The following SNTG1 variants were observed in gnomAD, a reference collection of about 807,000 sequenced individuals.
SNTG1 encodes gamma-1-syntrophin.
SNTG1 carries 39 observed loss-of-function variants against 74.7 expected under a neutral mutation model. The ratio of observed to expected loss-of-function variants is 0.52; its 90% CI spans 0.40 to 0.68. The LOEUF is 0.68. Among genes scored for constraint, SNTG1 ranks in the 30% least tolerant of loss-of-function variants. The pLI is 0.00. For synonymous variants in SNTG1, 254 were observed against 217.1 expected, an observed-to-expected ratio of 1.17 and a Z score of -1.49; for missense variants, 685 against 609.5, an observed-to-expected ratio of 1.12 and a Z score of -1.30.
intron 2 of SNTG1, among the ~76,000 whole-genome samples, chr8:50,279,053 A>G (rs2088283614): frequency 6.6e-6 from 1 of 152,146 alleles, no homozygotes; most frequent in African/African-American, 2.4e-5. Flanking sequence ...GCTTTCAAAT[A>G]TTTTCTCACA....
At chr8:50,771,171 T>A (rs991609797) in intron 18 of SNTG1, among the ~76,000 whole-genome samples, 4 of 151,968 alleles carry the variant, frequency 2.6e-5, no homozygotes, top group African/African-American at 9.7e-5. Flanking sequence ...AAAGCCTGTA[T>A]TGCTATGAAT....
intron 1 of SNTG1, among the ~76,000 whole-genome samples, chr8:50,106,990 C>G (rs999768849): frequency 6.6e-6 from 1 of 152,098 alleles, no homozygotes; most frequent in African/African-American, 2.4e-5. Flanking sequence ...TTGGCAAGAG[C>G]AGAACACATA....
At chr8:50,249,805 T>A (rs992888378) in intron 2 of SNTG1, among the ~76,000 whole-genome samples, 1 of 152,032 alleles carries the variant, frequency 6.6e-6, no homozygotes, top group African/African-American at 2.4e-5. Context: ...CATCCTAGGA[T>A]CCATTTACAG....
chr8:50,666,519 C>T (rs2095251569), intron 15 of SNTG1, among the ~76,000 whole-genome samples: 1 of 152,112 alleles, frequency 6.6e-6, no homozygotes, highest in Non-Finnish European at 1.5e-5. Flanking sequence ...AGTTAACAAA[C>T]AGTTCAGAAA....
chr8:50,769,173 A>G (rs910480941), intron 18 of SNTG1, among the ~76,000 whole-genome samples: 1 of 151,742 alleles, frequency 6.6e-6, no homozygotes, highest in African/African-American at 2.4e-5. Flanking sequence ...AACACTCTGT[A>G]CATTTTCTCT....
intron 1 of SNTG1, among the ~76,000 whole-genome samples, chr8:49,940,873 A>G (rs1808623636): frequency 6.6e-6 from 1 of 152,228 alleles, no homozygotes; most frequent in Admixed American, 6.5e-5. Context: ...CTTTAGTCTC[A>G]GGGGTCAGGA....
chr8:50,223,575 G>A (rs549238581), intron 2 of SNTG1, among the ~76,000 whole-genome samples: 17 of 152,072 alleles, frequency 1.1e-4, no homozygotes, highest in African/African-American at 3.9e-4. Context: ...GAAATTTAAG[G>A]AGAAATACGA....
chr8:50,707,022 T>A (rs557913946), intron 16 of SNTG1, among the ~76,000 whole-genome samples: 1 of 152,128 alleles, frequency 6.6e-6, no homozygotes, highest in African/African-American at 2.4e-5. Flanking sequence ...ACAAATTAAA[T>A]ATTTCAATAT....
At chr8:50,240,520 C>T (rs1443525806) in intron 2 of SNTG1, among the ~76,000 whole-genome samples, 2 of 152,132 alleles carry the variant, frequency 1.3e-5, no homozygotes, top group East Asian at 3.8e-4. Context: ...CTTCTTAGAA[C>T]AAACTAAACC....
intron 2 of SNTG1, among the ~76,000 whole-genome samples, chr8:50,218,654 A>T (rs2084911960): frequency 6.6e-6 from 1 of 152,124 alleles, no homozygotes; most frequent in Non-Finnish European, 1.5e-5. Context: ...TGAAATTTTT[A>T]AAATACAGGA....
intron 4 of SNTG1, among the ~76,000 whole-genome samples, chr8:50,412,513 T>G (rs2092962465): frequency 6.6e-6 from 1 of 152,172 alleles, no homozygotes; most frequent in Admixed American, 6.6e-5. Context: ...TGAATGCAAG[T>G]AAAAGAGAAT....
intron 16 of SNTG1, among the ~76,000 whole-genome samples, chr8:50,707,289 T>C (rs1000936178): frequency 2.6e-5 from 4 of 152,146 alleles, no homozygotes; most frequent in African/African-American, 4.8e-5. Flanking sequence ...AACCATTATG[T>C]CTAAATTAGG....
At chr8:50,784,150 A>G (rs1359016422) in intron 18 of SNTG1, among the ~76,000 whole-genome samples, 1 of 152,188 alleles carries the variant, frequency 6.6e-6, no homozygotes, top group Non-Finnish European at 1.5e-5. Flanking sequence ...CGCCCTGAGT[A>G]GGGTGGGTGG....
chr8:50,349,985 C>A (rs544259892), intron 2 of SNTG1, among the ~76,000 whole-genome samples: 1 of 152,148 alleles, frequency 6.6e-6, no homozygotes. Flanking sequence ...TCTGGGTGGG[C>A]GTGGGCTTGG....
At chr8:50,366,434 C>T (rs2131110479) in intron 2 of SNTG1, among the ~76,000 whole-genome samples, 1 of 152,094 alleles carries the variant, frequency 6.6e-6, no homozygotes, top group Non-Finnish European at 1.5e-5. Flanking sequence ...TAACCATGTC[C>T]ATGACCATCT....
intron 2 of SNTG1, among the ~76,000 whole-genome samples, chr8:50,346,515 C>A (rs2091481815): frequency 6.6e-6 from 1 of 152,168 alleles, no homozygotes; most frequent in South Asian, 2.1e-4. Context: ...CCACAATGGC[C>A]TCCTAGTGTT....
chr8:50,602,890 C>T (rs1601125), intron 13 of SNTG1, among the ~76,000 whole-genome samples: 121,431 of 150,240 alleles, frequency 0.81, 49,436 homozygotes, highest in East Asian at 0.91. Flanking sequence ...TGGAGCTCCA[C>T]TGTAAGGTAT....
intron 17 of SNTG1, among the ~76,000 whole-genome samples, chr8:50,723,899 G>A (rs1036499990): frequency 6.6e-6 from 1 of 152,182 alleles, no homozygotes; most frequent in African/African-American, 2.4e-5. Context: ...ACCATAGCAA[G>A]AATGGAATAG....
At chr8:50,017,637 G>A (rs1173822115) in intron 1 of SNTG1, among the ~76,000 whole-genome samples, 1 of 151,864 alleles carries the variant, frequency 6.6e-6, no homozygotes, top group Non-Finnish European at 1.5e-5. Context: ...AGGCAACATA[G>A]ACTTTAAGAT....
Sources: allele counts gnomAD v4.1 joint callset (sites outside exome capture counted in the v4.1 genomes callset), GRCh38; gene constraint gnomAD v4.1.1; transcripts MANE v1.5; gene names NCBI Gene and HGNC (gene_info 2026-07-23, HGNC 2026-07-21).